Variants in STK32B observed in about 807,000 individuals in gnomAD.
STK32B encodes the protein serine/threonine kinase 32B.
STK32B carries 43 observed loss-of-function variants against 52.6 expected under a neutral mutation model. The ratio of observed to expected loss-of-function variants is 0.82; its 90% CI spans 0.64 to 1.05. The LOEUF is 1.05. STK32B is among the 50% of genes least tolerant of loss of function. STK32B has a pLI of 0.00. For missense variants in STK32B, 621 were observed against 534.6 expected, an observed-to-expected ratio of 1.16 and a Z score of -1.59; for synonymous variants, 238 against 204.3, an observed-to-expected ratio of 1.17 and a Z score of -1.41.
intron 3 of STK32B, among the ~76,000 whole-genome samples, chr4:5,299,762 C>T (rs993545291): frequency 6.6e-6 from 1 of 151,888 alleles, no homozygotes; most frequent in Non-Finnish European, 1.5e-5. Context: ...TTTTTTGGCT[C>T]CATATACCAT....
chr4:5,192,838 C>CT (rs1484760799), intron 3 of STK32B, among the ~76,000 whole-genome samples: 1 of 152,180 alleles, frequency 6.6e-6, no homozygotes, highest in African/African-American at 2.4e-5. Context: ...CCTCCTGTAA[C>CT]TAACAGTTTA....
chr4:5,306,288 T>C (rs1170268718), intron 3 of STK32B, among the ~76,000 whole-genome samples: 1 of 152,176 alleles, frequency 6.6e-6, no homozygotes, highest in Non-Finnish European at 1.5e-5. Context: ...ACCTTTCTAG[T>C]GCTGTCCGTG....
chr4:5,248,361 C>T (rs1725616218), intron 3 of STK32B, among the ~76,000 whole-genome samples: 1 of 152,200 alleles, frequency 6.6e-6, no homozygotes, highest in African/African-American at 2.4e-5. Context: ...TTCTAGAGCT[C>T]ATATGTTACA....
chr4:5,433,589 G>T (rs1560406554), intron 6 of STK32B, among the ~76,000 whole-genome samples: 1 of 152,156 alleles, frequency 6.6e-6, no homozygotes, highest in Non-Finnish European at 1.5e-5. Context: ...ATTTAAGGGA[G>T]GAAGGAAATT....
chr4:5,237,565 T>C (rs747048589), intron 3 of STK32B, among the ~76,000 whole-genome samples: 2 of 152,254 alleles, frequency 1.3e-5, no homozygotes, highest in South Asian at 2.1e-4. Context: ...ATCAGAAATA[T>C]GAAGACAACA....
the STK32B span, among the ~76,000 whole-genome samples, chr4:5,039,411 G>A: frequency 6.6e-6 from 1 of 152,128 alleles, no homozygotes; most frequent in African/African-American, 2.4e-5. Flanking sequence ...GGTCTCACAG[G>A]GTCGGGATCA....
chr4:5,421,668 C>T (rs980028872), intron 6 of STK32B, among the ~76,000 whole-genome samples: 11 of 152,198 alleles, frequency 7.2e-5, no homozygotes, highest in Non-Finnish European at 1.6e-4. Context: ...GCAGCCCAGT[C>T]CAGGTTCTTG....
intron 3 of STK32B, among the ~76,000 whole-genome samples, chr4:5,293,324 C>G (rs1010427437): frequency 1.9e-4 from 29 of 152,020 alleles, no homozygotes; most frequent in African/African-American, 6.8e-4. Context: ...ATTACTGGGT[C>G]AAATGGTATT....
At chr4:5,153,509 G>GGA (rs1553838293) in intron 2 of STK32B, among the ~76,000 whole-genome samples, 1 of 147,342 alleles carries the variant, frequency 6.8e-6, no homozygotes, top group African/African-American at 2.5e-5. Flanking sequence ...TTCATTGGTG[G>GGA]AAAAAAAAAG....
chr4:5,142,960 C>CCTTTGGA (rs1433988361), intron 2 of STK32B, among the ~76,000 whole-genome samples: 2 of 152,156 alleles, frequency 1.3e-5, no homozygotes, highest in African/African-American at 2.4e-5. Context: ...CTCCTGGTGG[C>CCTTTGGA]CTTTGGACTG....
At chr4:5,477,608 GGTCAGCTTGGA>G (rs1718341318) in intron 11 of STK32B, among the ~76,000 whole-genome samples, 1 of 152,174 alleles carries the variant, frequency 6.6e-6, no homozygotes, top group African/African-American at 2.4e-5. Flanking sequence ...GTCCATGGCA[GGTCAGCTTGGA>G]GTGCAGCTCC....
chr4:5,181,983 A>T (rs988548168), intron 3 of STK32B, among the ~76,000 whole-genome samples: 1 of 152,238 alleles, frequency 6.6e-6, no homozygotes, highest in African/African-American at 2.4e-5. Flanking sequence ...TCAATCCTTT[A>T]AAACTCTGCT....
At chr4:5,068,117 C>A (rs1338266506) in intron 1 of STK32B, among the ~76,000 whole-genome samples, 1 of 152,038 alleles carries the variant, frequency 6.6e-6, no homozygotes, top group Non-Finnish European at 1.5e-5. Context: ...ACTTTTGCAC[C>A]AACCTATACA....
chr4:5,251,784 T>G (rs73797152), intron 3 of STK32B, among the ~76,000 whole-genome samples: 9,063 of 152,274 alleles, frequency 0.06, 400 homozygotes, highest in African/African-American at 0.13. Context: ...TACACAGATC[T>G]TTCACCTCCC....
intron 4 of STK32B, among the ~76,000 whole-genome samples, chr4:5,370,781 C>T (rs893162653): frequency 2.0e-5 from 3 of 151,834 alleles, no homozygotes; most frequent in African/African-American, 2.4e-5. Context: ...TTGCTTGAGC[C>T]CAGGAGTAAT....
rs1455120965 is a variant in STK32B, at chr4:5,051,703, C to G, written c.-161C>G. On this transcript the variant is annotated 5_prime_UTR_variant, in exon 1 of 12. Coordinates refer to ENST00000282908, the MANE Select transcript of STK32B (RefSeq NM_018401.3). The stretch of plus-strand genomic sequence containing the variant: ...AAGGGCGTCCAGGAGAAGGGGGACG[C>G]CGTCCCCGCCCCTGCACGGTGCTCG... 2.4e-6 allele frequency: 2 copies of G among 836,274 alleles called. No individual in the cohort carries two copies. The highest frequency in any genetic ancestry group is 1.8e-6 in the Non-Finnish European group (1 of 563,662). 51.8% of individuals were successfully genotyped at this position (836,274 alleles called of 1,614,324 possible).
At chr4:5,250,528 GTTTCAA>G (rs1297366077) in intron 3 of STK32B, among the ~76,000 whole-genome samples, 4 of 151,950 alleles carry the variant, frequency 2.6e-5, no homozygotes, top group Non-Finnish European at 5.9e-5. Flanking sequence ...GGCCAGGCTG[GTTTCAA>G]ACTCCTGACC....
At chr4:5,296,798 C>A (rs1440299987) in intron 3 of STK32B, among the ~76,000 whole-genome samples, 2 of 152,118 alleles carry the variant, frequency 1.3e-5, no homozygotes, top group Non-Finnish European at 2.9e-5. Flanking sequence ...GAATTTGATC[C>A]TGTCATTATG....
At position 5,499,179 on chromosome 4, in the gene STK32B, G is replaced by C; in HGVS notation, c.*96G>C. Reference sequence around the variant, plus strand: ...CCCTGATGGTCCCTGTCTCACCCCTGAAAACATCAGATGCAGAAAAAGCCC... The same window carrying C: ...CCCTGATGGTCCCTGTCTCACCCCTCAAAACATCAGATGCAGAAAAAGCCC... On this transcript the variant is annotated 3_prime_UTR_variant, in exon 12 of 12. Transcript: ENST00000282908. 1 of 1,423,886 alleles carries C rather than the reference G, an allele frequency of 7.0e-7. No homozygotes were observed. Among genetic ancestry groups the C allele is most frequent in the Non-Finnish European group, 9.3e-7 (1 of 1,076,904 alleles). 88.2% of individuals were successfully genotyped at this position (1,423,886 alleles called of 1,614,324 possible).
Sources: gnomAD v4.1 joint callset for allele counts (sites outside exome capture counted in the v4.1 genomes callset) on GRCh38, gnomAD v4.1.1 for gene constraint, MANE v1.5 for transcripts, NCBI Gene and HGNC (gene_info 2026-07-23, HGNC 2026-07-21) for gene names.